The following UGT2B15 variants were observed in gnomAD, a reference collection of about 807,000 sequenced individuals.
UGT2B15 encodes the protein UDP glucuronosyltransferase family 2 member B15.
A neutral mutation model predicts 45.9 loss-of-function variants in UGT2B15; 36 were observed. The observed-to-expected ratio is 0.78, with a 90% CI of 0.60 to 1.04. The LOEUF is 1.04. Ranked by LOEUF, UGT2B15 falls within the 50% of genes least tolerant of loss-of-function variation. UGT2B15 has a pLI of 0.00. For synonymous variants in UGT2B15, 219 were observed against 216.4 expected, an observed-to-expected ratio of 1.01 and a Z score of -0.11; for missense variants, 617 against 622.4, an observed-to-expected ratio of 0.99 and a Z score of 0.09.
Position 68,646,842 on chromosome 4 carries a change from A to C in UGT2B15, c.*262T>G. On this transcript the variant is annotated 3_prime_UTR_variant, in exon 6 of 6. Coordinates refer to ENST00000338206, the MANE Select transcript of UGT2B15 (RefSeq NM_001076.4). ...GCCATGTTGGCGTGCTGCATCCAGT[A>C]ACTCGTCATTTAACATTAGGTATAT... is the stretch of plus-strand genomic sequence containing the variant. 2 of 450,448 alleles carry C rather than the reference A, an allele frequency of 4.4e-6. No homozygotes were observed. Among genetic ancestry groups the C allele is most frequent in the Non-Finnish European group, 3.8e-6 (1 of 260,770 alleles). The allele number at this position is 450,448 out of a possible 1,614,324, so 27.9% of individuals were successfully genotyped here.
chr4:68,647,087 T>G lies in UGT2B15; in HGVS notation c.*17A>C. On this transcript the variant is annotated 3_prime_UTR_variant, in exon 6 of 6. Transcript: ENST00000338206. ...AGTCCCATCTTTCAGTCATTCCACT[T>G]CAGGCTTTTGATATAACTAATCTCT... The G allele has an allele frequency of 1.2e-6, 2 of 1,603,324 alleles. No homozygotes were observed. Among genetic ancestry groups the G allele is most frequent in the Non-Finnish European group, 1.7e-6 (2 of 1,173,374 alleles).
intron 5 of UGT2B15, among the ~76,000 whole-genome samples, chr4:68,652,505 T>A (rs1194338736): frequency 6.6e-6 from 1 of 151,714 alleles, no homozygotes; most frequent in Non-Finnish European, 1.5e-5. Context: ...TCTTACTAAT[T>A]TTTTGGTAAA....
chr4:68,665,976 T>TG (rs1478662626), intron 2 of UGT2B15, among the ~76,000 whole-genome samples: 1 of 152,080 alleles, frequency 6.6e-6, no homozygotes, highest in African/African-American at 2.4e-5. Context: ...CGCTTGAACC[T>TG]GGGGGGTGGA....
At chr4:68,647,420 A>T (rs540822972) in intron 5 of UGT2B15, 37 bp from the exon 6 acceptor site, 2 of 1,579,634 alleles carry the variant, frequency 1.3e-6, no homozygotes, top group Non-Finnish European at 1.7e-6. Flanking sequence ...CATTAAAAGT[A>T]AATTTATTGC....
intron 5 of UGT2B15, 26 bp from the exon 6 acceptor site, chr4:68,647,409 A>G (rs183927240): frequency 6.3e-7 from 1 of 1,588,560 alleles, no homozygotes. Context: ...AAAGATATCA[A>G]CATTAAAAGT....
At chr4:68,660,539 A>C (rs576963889) in intron 3 of UGT2B15, among the ~76,000 whole-genome samples, 1 of 151,678 alleles carries the variant, frequency 6.6e-6, no homozygotes, top group Non-Finnish European at 1.5e-5. Flanking sequence ...TAATCAGGCC[A>C]AGTATAATAA....
rs150032309 is a variant in UGT2B15, at chr4:68,647,193, C to T, written c.1504G>A (p.Val502Met). 75 of 1,613,872 alleles carry T rather than the reference C, an allele frequency of 4.6e-5. No individual in the cohort carries two copies. The highest frequency in any genetic ancestry group is 2.9e-4 in the East Asian group (13 of 44,872). ...GTGATGATAAATATCACAGTTGCCA[C>T]GCAGGCCAGCAGGAATGCTATCACA... ...LDVIAFLLAC[V>M]ATVIFIITKF... Residue 502 changes from valine (V) to methionine (M), a missense_variant, in exon 6 of 6, where the codon GTG (valine) becomes ATG (methionine). Physicochemically the swap from Val to Met is conservative, Grantham distance 21 (BLOSUM62 1). Coordinates refer to ENST00000338206, the MANE Select transcript of UGT2B15 (RefSeq NM_001076.4).
At chr4:68,659,756 T>C (rs1732909045) in intron 3 of UGT2B15, among the ~76,000 whole-genome samples, 1 of 151,998 alleles carries the variant, frequency 6.6e-6, no homozygotes, top group Non-Finnish European at 1.5e-5. Flanking sequence ...AAAAAGTTTT[T>C]GATAATTTTG....
At chr4:68,648,827 T>C (rs920356515) in intron 5 of UGT2B15, among the ~76,000 whole-genome samples, 1 of 152,078 alleles carries the variant, frequency 6.6e-6, no homozygotes, top group East Asian at 1.9e-4. Context: ...TTCATTTCTG[T>C]TTTTGGTTAG....
intron 3 of UGT2B15, among the ~76,000 whole-genome samples, chr4:68,656,102 C>G (rs1015803936): frequency 2.6e-5 from 4 of 152,066 alleles, no homozygotes; most frequent in Non-Finnish European, 5.9e-5. Flanking sequence ...TGCTGTACAA[C>G]TCCTTTTTGT....
chr4:68,657,713 T>TA (rs913425498), intron 3 of UGT2B15, among the ~76,000 whole-genome samples: 3 of 152,010 alleles, frequency 2.0e-5, no homozygotes, highest in South Asian at 2.1e-4. Context: ...TCTCTCTTTT[T>TA]AAAAAAAATT....
At chr4:68,663,585 A>G (rs2109832233) in intron 2 of UGT2B15, among the ~76,000 whole-genome samples, 1 of 151,624 alleles carries the variant, frequency 6.6e-6, no homozygotes, top group East Asian at 1.9e-4. Context: ...TTTTCTGTTC[A>G]GTTCTTTTAG....
At chr4:68,652,516 G>A (rs550252425) in intron 5 of UGT2B15, among the ~76,000 whole-genome samples, 1 of 151,422 alleles carries the variant, frequency 6.6e-6, no homozygotes, top group Non-Finnish European at 1.5e-5. Context: ...TTTTGGTAAA[G>A]TGTTTTTAAT....
intron 1 of UGT2B15, among the ~76,000 whole-genome samples, chr4:68,668,604 G>C (rs945295393): frequency 6.7e-6 from 1 of 150,196 alleles, no homozygotes; most frequent in Admixed American, 6.7e-5. Flanking sequence ...TCATGGTGTG[G>C]ATTCCTCCAT....
At chr4:68,668,736 C>T (rs1028407297) in intron 1 of UGT2B15, among the ~76,000 whole-genome samples, 1 of 148,836 alleles carries the variant, frequency 6.7e-6, no homozygotes, top group African/African-American at 2.5e-5. Flanking sequence ...CTTGCTTCCC[C>T]TTAGCCTTTC....
At position 68,646,877 on chromosome 4, in the gene UGT2B15, C is replaced by G; in HGVS notation, c.*227G>C. Reference sequence around the variant, plus strand: ...TTAACATTAGGTATATCTCCAAATGCTATCCTTCCCCCCATTGTATTTTTC... The same window carrying G: ...TTAACATTAGGTATATCTCCAAATGGTATCCTTCCCCCCATTGTATTTTTC... On this transcript the variant is annotated 3_prime_UTR_variant, in exon 6 of 6. Transcript: ENST00000338206. The G allele has an allele frequency of 1.5e-6, 1 of 667,280 alleles. No homozygotes were observed. The highest frequency in any genetic ancestry group is 2.3e-5 in the South Asian group (1 of 43,264). 41.3% of individuals were successfully genotyped at this position (667,280 alleles called of 1,614,324 possible). A position where few individuals can be genotyped will look rare whatever the true frequency, so the allele number is the denominator to read the frequency against.
In UGT2B15 at chr4:68,647,325, G is replaced by A. The variant is rs576445086; in HGVS notation, c.1372C>T (p.Leu458=). The change falls in exon 6 of 6, where the codon CTG becomes TTG. Residue 458 remains leucine (L), a synonymous_variant. Coordinates refer to ENST00000338206, the MANE Select transcript of UGT2B15 (RefSeq NM_001076.4). ...TCAATCCAGAAGACTGCTCGATCCA[G>A]GGGCTTCATTGGTTGGTCATGATGA... is the stretch of plus-strand genomic sequence containing the variant. ...RIHHDQPMKP[L]DRAVFWIEFV... 50 of 1,613,794 alleles carry A rather than the reference G, an allele frequency of 3.1e-5. No homozygotes were observed. The African/African-American group carries it at 6.5e-4, about 21-fold the overall frequency.
intron 2 of UGT2B15, among the ~76,000 whole-genome samples, chr4:68,663,550 G>A (rs531752091): frequency 6.6e-6 from 1 of 151,896 alleles, no homozygotes; most frequent in East Asian, 1.9e-4. Context: ...GTGTTTATTT[G>A]GGGTAGTTTT....
chr4:68,647,697 A>ATGATCTTTC (rs1732522924), intron 5 of UGT2B15, among the ~76,000 whole-genome samples: 1 of 152,024 alleles, frequency 6.6e-6, no homozygotes, highest in Admixed American at 6.6e-5. Flanking sequence ...GAATTTGAGA[A>ATGATCTTTC]TGATCTTTTT....
Sources: allele counts gnomAD v4.1 joint callset (sites outside exome capture counted in the v4.1 genomes callset), GRCh38; gene constraint gnomAD v4.1.1; transcripts MANE v1.5; gene names NCBI Gene and HGNC (gene_info 2026-07-23, HGNC 2026-07-21).